Variants in PIEZO2 observed in about 807,000 individuals in gnomAD.
The protein encoded by PIEZO2 is piezo-type mechanosensitive ion channel component 2.
Under a neutral mutation model 337.3 loss-of-function variants are expected in PIEZO2, and 172 were observed. The ratio of observed to expected loss-of-function variants is 0.51; its 90% CI spans 0.45 to 0.58. The LOEUF is 0.58. Ranked by LOEUF, PIEZO2 falls within the 20% of genes least tolerant of loss-of-function variation. The pLI, the probability that PIEZO2 is intolerant of heterozygous loss-of-function variation, is 0.00. For missense variants in PIEZO2, 3,028 were observed against 3,391.3 expected (o/e 0.89, Z 2.66); for synonymous variants, 1,251 against 1,228.5 (o/e 1.02, Z -0.38).
chr18:11,037,334 C>T (rs2584750), intron 2 of PIEZO2, among the ~76,000 whole-genome samples: 1 of 151,768 alleles, frequency 6.6e-6, no homozygotes, highest in Non-Finnish European at 1.5e-5. Context: ...TTGTATGCCA[C>T]GTAAGAGGAG....
At position 10,713,467 on chromosome 18, in the gene PIEZO2, A is replaced by G. The variant is rs1388675802; in HGVS notation, c.5423+1297T>C. ...GCTCCGTCTCCTATTTCATCTGGAA[A>G]TATATCCAGCATTTGTGAAGGACAA... On this transcript the variant is annotated intron_variant, in intron 39 of 55. Coordinates refer to ENST00000674853, the MANE Select transcript of PIEZO2 (RefSeq NM_001378183.1). This position sits in a 1 kb window ranked among gnomAD's most constrained non-coding sequence, Gnocchi z 4.5. Among the ~76,000 whole-genome samples the G allele has an allele frequency of 6.6e-6, 1 of 152,142 alleles. No individual in the cohort carries two copies. The highest frequency in any genetic ancestry group is 2.4e-5 in the African/African-American group (1 of 41,418).
chr18:10,808,248 C>A (rs1042608508), intron 7 of PIEZO2, among the ~76,000 whole-genome samples: 1 of 152,042 alleles, frequency 6.6e-6, no homozygotes, highest in Non-Finnish European at 1.5e-5. Flanking sequence ...GCCACCATAC[C>A]CAACTATTAT....
intron 36 of PIEZO2, among the ~76,000 whole-genome samples, chr18:10,728,827 C>T (rs1310968915): frequency 2.0e-5 from 3 of 151,688 alleles, no homozygotes; most frequent in South Asian, 2.1e-4. Context: ...TGGTGGCGGG[C>T]GCCTGTAGTC....
At chr18:10,944,256 C>T (rs1276168105) in intron 3 of PIEZO2, among the ~76,000 whole-genome samples, 1 of 151,556 alleles carries the variant, frequency 6.6e-6, no homozygotes, top group Non-Finnish European at 1.5e-5. Context: ...AGAAATTATC[C>T]AAAATACAAC....
chr18:10,890,744 C>G (rs374057870), intron 4 of PIEZO2: 1 of 151,686 alleles, frequency 6.6e-6, no homozygotes, highest in South Asian at 2.1e-4. Flanking sequence ...AAGATGAGAT[C>G]TGGGTGGTGA....
intron 7 of PIEZO2, among the ~76,000 whole-genome samples, chr18:10,823,630 G>A (rs1683390): frequency 0.23 from 35,059 of 152,008 alleles, 4,468 homozygotes; most frequent in African/African-American, 0.35. Context: ...AAACAACCCA[G>A]TTCAAAAAGT....
At chr18:11,037,105 C>T (rs1309973911) in intron 2 of PIEZO2, among the ~76,000 whole-genome samples, 1 of 152,156 alleles carries the variant, frequency 6.6e-6, no homozygotes. Flanking sequence ...GCTGGGATTA[C>T]AGACACCCAC....
intron 21 of PIEZO2, among the ~76,000 whole-genome samples, chr18:10,765,029 T>G (rs2038293890): frequency 1.3e-5 from 2 of 152,194 alleles, no homozygotes; most frequent in African/African-American, 4.8e-5. Flanking sequence ...TTCAGAACTT[T>G]TAATTTTCTG....
At chr18:10,798,517 G>A (rs1465998172) in intron 11 of PIEZO2, among the ~76,000 whole-genome samples, 1 of 152,222 alleles carries the variant, frequency 6.6e-6, no homozygotes, top group East Asian at 1.9e-4. Flanking sequence ...AGACAGGGGT[G>A]AAAACACCAA....
intron 39 of PIEZO2, 120 bp from the exon 40 acceptor site, chr18:10,708,559 CCGA>C (rs1446081479): frequency 2.0e-5 from 3 of 152,474 alleles, no homozygotes; most frequent in Non-Finnish European, 4.4e-5. Context: ...ACCAACACCA[CCGA>C]CAAGGAAGGC....
chr18:10,998,629 C>A (rs1390504595), intron 2 of PIEZO2, among the ~76,000 whole-genome samples: 1 of 151,912 alleles, frequency 6.6e-6, no homozygotes, highest in Non-Finnish European at 1.5e-5. Flanking sequence ...CCAAAAGTAA[C>A]CCAGACAATA....
At chr18:10,892,781 A>G (rs1361079907) in intron 4 of PIEZO2, among the ~76,000 whole-genome samples, 1 of 152,218 alleles carries the variant, frequency 6.6e-6, no homozygotes, top group Admixed American at 6.5e-5. Flanking sequence ...AGAAAACATA[A>G]AAATGTAAAT....
intron 7 of PIEZO2, among the ~76,000 whole-genome samples, chr18:10,842,400 T>C (rs562357852): frequency 4.6e-4 from 70 of 152,184 alleles, no homozygotes; most frequent in Non-Finnish European, 9.4e-4. Context: ...AATAGATTAA[T>C]GCCCTCCATG....
rs183608194 is a variant in PIEZO2, at chr18:10,794,500, T to G, written c.1758+272A>C. ...ACACCTAATTTTTACTCTAGTAGGATTTATACTTAAAAACATTTATACAAG... is the reference window on the plus strand; with the variant it reads ...ACACCTAATTTTTACTCTAGTAGGAGTTATACTTAAAAACATTTATACAAG... On this transcript the variant is annotated intron_variant, in intron 13 of 55. Coordinates refer to ENST00000674853, the MANE Select transcript of PIEZO2 (RefSeq NM_001378183.1). This position sits in a 1 kb window ranked among gnomAD's most constrained non-coding sequence, Gnocchi z 6.6. 1.6e-3 allele frequency among the ~76,000 whole-genome samples: 246 copies of G among 152,346 alleles called. No individual in the cohort carries two copies. The highest frequency in any genetic ancestry group is 6.8e-3 in the Middle Eastern group (2 of 294).
At position 10,940,786 on chromosome 18, in the gene PIEZO2, C is replaced by T. The variant is rs1161861929; in HGVS notation, c.287-29558G>A. Among the ~76,000 whole-genome samples, 8 of 151,838 alleles carry T rather than the reference C, an allele frequency of 5.3e-5. No homozygotes were observed. Among genetic ancestry groups the T allele is most frequent in the East Asian group, 1.9e-4 (1 of 5,162 alleles). On this transcript the variant is annotated intron_variant, in intron 3 of 55. Transcript: ENST00000674853. The surrounding 1 kb of genome is among the most constrained non-coding windows in gnomAD (Gnocchi z 5.3). Reference sequence around the variant, plus strand: ...CTGAGGCAGAAGAATCGCTTGAACCCGGGAGGCAGAGGTTGCAGTGAGCTG... The same window carrying T: ...CTGAGGCAGAAGAATCGCTTGAACCTGGGAGGCAGAGGTTGCAGTGAGCTG...
In PIEZO2 at chr18:10,859,509, G is replaced by C. The variant is rs932228172; in HGVS notation, c.493-2298C>G. Among the ~76,000 whole-genome samples the C allele has an allele frequency of 6.6e-6, 1 of 152,228 alleles. No individual in the cohort carries two copies. Among genetic ancestry groups the C allele is most frequent in the Non-Finnish European group, 1.5e-5 (1 of 68,042 alleles). On this transcript the variant is annotated intron_variant, in intron 5 of 55. Transcript: ENST00000674853. The surrounding 1 kb of genome is among the most constrained non-coding windows in gnomAD (Gnocchi z 4.9). ...TCCCATCTGCTCAGGACACCAGGGA[G>C]AGAACAGCCCAGCCATCCTGGCTCT...
rs763399258 is a variant in PIEZO2, at chr18:11,099,783, G to A, written c.65-33561C>T. Among the ~76,000 whole-genome samples, 1 of 152,132 alleles carries A rather than the reference G, an allele frequency of 6.6e-6. No homozygotes were observed. Among genetic ancestry groups the A allele is most frequent in the Non-Finnish European group, 1.5e-5 (1 of 68,020 alleles). ...CTATATCTTTATTCTTAATGAGGTTGATTTTCTTTTTATTTGATTCATTAG... is the reference window on the plus strand; with the variant it reads ...CTATATCTTTATTCTTAATGAGGTTAATTTTCTTTTTATTTGATTCATTAG... On this transcript the variant is annotated intron_variant, in intron 1 of 55. Coordinates refer to ENST00000674853, the MANE Select transcript of PIEZO2 (RefSeq NM_001378183.1). The surrounding 1 kb of genome is among the most constrained non-coding windows in gnomAD (Gnocchi z 5.4).
intron 7 of PIEZO2, among the ~76,000 whole-genome samples, chr18:10,814,678 C>T (rs748069704): frequency 3.3e-5 from 5 of 152,186 alleles, no homozygotes; most frequent in African/African-American, 7.2e-5. Flanking sequence ...CTTCTCATAC[C>T]GTTTTCCCTG....
intron 2 of PIEZO2, among the ~76,000 whole-genome samples, chr18:11,013,075 C>A (rs1384318323): frequency 6.6e-6 from 1 of 152,168 alleles, no homozygotes; most frequent in African/African-American, 2.4e-5. Context: ...AAAATTTTCA[C>A]ATCAAATATT....
Sources: gnomAD v4.1 joint callset for allele counts (sites outside exome capture counted in the v4.1 genomes callset) on GRCh38, gnomAD v4.1.1 for gene constraint, Gnocchi (gnomAD v3.1) non-coding constraint, MANE v1.5 for transcripts, NCBI Gene and HGNC (gene_info 2026-07-23, HGNC 2026-07-21) for gene names.